TMEM117: variants seen among roughly 807,000 people sequenced by gnomAD.
TMEM117 encodes the protein transmembrane protein 117.
TMEM117 carries 27 observed loss-of-function variants against 52.4 expected under a neutral mutation model. The observed-to-expected ratio is 0.51, with a 90% CI of 0.38 to 0.71. The LOEUF is 0.71. Ranked by LOEUF, TMEM117 falls within the 30% of genes least tolerant of loss-of-function variation. The pLI is 0.00. For missense variants in TMEM117, 556 were observed against 630.5 expected (o/e 0.88, Z 1.26); for synonymous variants, 215 against 206.3 (o/e 1.04, Z -0.36).
intron 5 of TMEM117, among the ~76,000 whole-genome samples, chr12:44,233,198 A>C (rs1438428366): frequency 2.0e-5 from 3 of 151,278 alleles, no homozygotes; most frequent in Non-Finnish European, 4.5e-5. Context: ...ATTTCAATAA[A>C]GTCTTTATTA....
chr12:44,208,610 C>A (rs531733468), intron 4 of TMEM117, among the ~76,000 whole-genome samples: 35 of 151,956 alleles, frequency 2.3e-4, no homozygotes, highest in African/African-American at 8.0e-4. Context: ...ATGACTGTCT[C>A]TGCTTCTGCC....
intron 3 of TMEM117, among the ~76,000 whole-genome samples, chr12:44,142,759 A>C (rs927506835): frequency 6.6e-6 from 1 of 152,156 alleles, no homozygotes; most frequent in African/African-American, 2.4e-5. Flanking sequence ...TAGTTATATG[A>C]TATGAATAGG....
chr12:44,285,034 A>G (rs1726874), intron 5 of TMEM117, among the ~76,000 whole-genome samples: 22,789 of 152,130 alleles, frequency 0.15, 2,344 homozygotes, highest in African/African-American at 0.29. Flanking sequence ...AATGTGCAGG[A>G]TCCAACATAG....
intron 4 of TMEM117, among the ~76,000 whole-genome samples, chr12:44,160,951 A>G (rs998814141): frequency 6.6e-5 from 10 of 152,172 alleles, no homozygotes; most frequent in African/African-American, 2.2e-4. Context: ...CTATTGATTT[A>G]TTTAGAGCCA....
At chr12:44,139,041 C>G (rs1320757096) in intron 3 of TMEM117, among the ~76,000 whole-genome samples, 2 of 152,160 alleles carry the variant, frequency 1.3e-5, no homozygotes, top group African/African-American at 4.8e-5. Flanking sequence ...TGTACTCATG[C>G]AAGTCAACTC....
intron 3 of TMEM117, among the ~76,000 whole-genome samples, chr12:44,066,845 A>G (rs1395103269): frequency 1.3e-5 from 2 of 152,170 alleles, no homozygotes; most frequent in African/African-American, 4.8e-5. Flanking sequence ...TGCTGCATCA[A>G]TTGACGCTTC....
At chr12:44,010,289 G>A (rs1946269092) in intron 3 of TMEM117, 1 of 454,304 alleles carries the variant, frequency 2.2e-6, no homozygotes, top group Non-Finnish European at 4.4e-6. Flanking sequence ...CTTCCCTGGA[G>A]GCCACTTTCC....
chr12:44,384,261 CA>C (rs1367753251), intron 7 of TMEM117, among the ~76,000 whole-genome samples: 1 of 151,958 alleles, frequency 6.6e-6, no homozygotes, highest in African/African-American at 2.4e-5. Context: ...AACAAACAAA[CA>C]AAAATAATAA....
rs1201385972 is a variant in TMEM117 at position 44,387,139 on chromosome 12, TTATAA to T, written c.899-884_899-880del. On this transcript the variant is annotated intron_variant, in intron 7 of 7. Transcript: ENST00000266534. ...ACTTGCAATAATTTATAATAAAAAA[TTATAA>T]TAGAATCTAGTATCACTCGAAAGTT... is the stretch of plus-strand genomic sequence containing the variant. Among the ~76,000 whole-genome samples, 5 of 151,750 alleles carry T rather than the reference TTATAA, an allele frequency of 3.3e-5. No individual in the cohort carries two copies. The East Asian group carries it at 5.8e-4, about 18-fold the overall frequency.
chr12:43,863,509 A>G (rs1315442789), intron 2 of TMEM117, among the ~76,000 whole-genome samples: 1 of 152,220 alleles, frequency 6.6e-6, no homozygotes, highest in Admixed American at 6.5e-5. Flanking sequence ...GAAAGCCACA[A>G]TTCTCTTGAT....
chr12:44,318,907 A>G lies in TMEM117; in HGVS notation c.768+19168A>G, dbSNP rs1031541247. Among the ~76,000 whole-genome samples the G allele has an allele frequency of 3.3e-5, 5 of 152,184 alleles. No homozygotes were observed. The South Asian group carries it at 8.3e-4, about 25-fold the overall frequency. On this transcript the variant is annotated intron_variant, in intron 6 of 7. Coordinates refer to ENST00000266534, the MANE Select transcript of TMEM117 (RefSeq NM_032256.3). ...AGCAGAGAGTGTCCCCTGCACCATG[A>G]TCTCAGGTGAGCAGGATGGAGCTCC...
chr12:43,989,435 ACTG>A (rs1477919592), intron 3 of TMEM117, among the ~76,000 whole-genome samples: 2 of 151,970 alleles, frequency 1.3e-5, no homozygotes, highest in African/African-American at 4.8e-5. Context: ...GAATCTCTCT[ACTG>A]CTACATTTTT....
At position 43,908,252 on chromosome 12, in the gene TMEM117, CATAAGTG is replaced by C. The variant is rs1269137835; in HGVS notation, c.278-35956_278-35950del. On this transcript the variant is annotated intron_variant, in intron 2 of 7. Transcript: ENST00000266534. The stretch of plus-strand genomic sequence containing the variant: ...TTTCATATCCAGCCAAACTAAGCTT[CATAAGTG>C]AAGGAGAAATAAAATCCTTTACAGA... 3.3e-3 allele frequency among the ~76,000 whole-genome samples: 247 copies of C among 73,818 alleles called. 2 individuals are homozygous for C. The highest frequency in any genetic ancestry group is 7.1e-3 in the African/African-American group (236 of 33,470). The allele number at this position is 73,818 out of a possible 152,430, so 48.4% of individuals were successfully genotyped here.
At chr12:44,108,263 G>GT (rs1947997668) in intron 3 of TMEM117, among the ~76,000 whole-genome samples, 1 of 148,370 alleles carries the variant, frequency 6.7e-6, no homozygotes, top group Non-Finnish European at 1.5e-5. Context: ...GTGCAGGTTA[G>GT]TTACATATGT....
intron 2 of TMEM117, among the ~76,000 whole-genome samples, chr12:43,878,505 C>T (rs1450761954): frequency 6.6e-6 from 1 of 152,092 alleles, no homozygotes; most frequent in Non-Finnish European, 1.5e-5. Flanking sequence ...ATAATCTATA[C>T]TTTTCTATTG....
intron 2 of TMEM117, among the ~76,000 whole-genome samples, chr12:43,940,853 T>C (rs758932175): frequency 6.6e-6 from 1 of 152,154 alleles, no homozygotes; most frequent in Non-Finnish European, 1.5e-5. Context: ...CCATAATATA[T>C]ACTTTTAAAT....
chr12:44,345,155 G>C (rs906100494), intron 6 of TMEM117, among the ~76,000 whole-genome samples: 1 of 152,048 alleles, frequency 6.6e-6, no homozygotes, highest in African/African-American at 2.4e-5. Context: ...CCTTTGGTGG[G>C]ATAACATGGT....
intron 3 of TMEM117, among the ~76,000 whole-genome samples, chr12:43,951,687 G>T (rs73085705): frequency 0.073 from 11,075 of 152,222 alleles, 447 homozygotes; most frequent in East Asian, 0.2. Context: ...GTGGTCTCAG[G>T]TTCAGCGGGC....
At chr12:44,282,063 G>A (rs1423762447) in intron 5 of TMEM117, among the ~76,000 whole-genome samples, 1 of 152,250 alleles carries the variant, frequency 6.6e-6, no homozygotes, top group East Asian at 1.9e-4. Flanking sequence ...AGTCTCACAA[G>A]AACTGATGGG....
Sources: allele counts gnomAD v4.1 joint callset (sites outside exome capture counted in the v4.1 genomes callset), GRCh38; gene constraint gnomAD v4.1.1; transcripts MANE v1.5; gene names NCBI Gene and HGNC (gene_info 2026-07-23, HGNC 2026-07-21).